The following TESK2 variants were observed in gnomAD, a reference collection of about 807,000 sequenced individuals.
The protein encoded by TESK2 is testis associated actin remodelling kinase 2.
TESK2 carries 39 observed loss-of-function variants against 57.1 expected under a neutral mutation model. The ratio of observed to expected loss-of-function variants is 0.68; its 90% CI spans 0.53 to 0.89. The LOEUF is 0.89. Among genes scored for constraint, TESK2 ranks in the 40% least tolerant of loss-of-function variants. The pLI is 0.00. For missense variants in TESK2, 646 were observed against 732.1 expected, an observed-to-expected ratio of 0.88 and a Z score of 1.36; for synonymous variants, 249 against 267.9, an observed-to-expected ratio of 0.93 and a Z score of 0.69.
rs370948508 is a variant in TESK2 at position 45,346,960 on chromosome 1, C to G, written c.792+19G>C. 16 of 1,613,072 alleles carry G rather than the reference C, an allele frequency of 9.9e-6. No homozygotes were observed. The highest frequency in any genetic ancestry group is 1.4e-5 in the Non-Finnish European group (16 of 1,179,180). ...AACTAGCCCCATCAGTGGCAATGAT[C>G]CCCATGCTTGCAGCTCACCTCTGTG... On this transcript the variant is annotated intron_variant, in intron 8 of 10. Transcript: ENST00000372086.
Position 45,472,384 on chromosome 1 carries a change from C to G in TESK2, c.-86-14513G>C, listed in dbSNP as rs1425780840. 3.3e-5 allele frequency among the ~76,000 whole-genome samples: 5 copies of G among 151,556 alleles called. No homozygotes were observed. The South Asian group carries it at 1.0e-3, about 32-fold the overall frequency. On this transcript the variant is annotated intron_variant, in intron 1 of 10. Transcript: ENST00000372086. ...ACCAGCCTGGCCAACATGGGGAAAC[C>G]CCACCTCTACTAAAAATACAAAAAT... is the stretch of plus-strand genomic sequence containing the variant.
intron 4 of TESK2, among the ~76,000 whole-genome samples, chr1:45,378,571 G>A (rs1648527969): frequency 6.6e-6 from 1 of 152,198 alleles, no homozygotes; most frequent in Non-Finnish European, 1.5e-5. Flanking sequence ...AGCCATCTTG[G>A]AAATGGATTT....
intron 1 of TESK2, among the ~76,000 whole-genome samples, chr1:45,488,115 T>C (rs939800863): frequency 1.2e-4 from 18 of 152,094 alleles, no homozygotes; most frequent in Non-Finnish European, 2.6e-4. Flanking sequence ...GGTCTCACAA[T>C]GTTGCCCATG....
chr1:45,384,744 C>G (rs2149274437), intron 4 of TESK2, among the ~76,000 whole-genome samples: 1 of 151,612 alleles, frequency 6.6e-6, no homozygotes, highest in Middle Eastern at 3.4e-3. Context: ...TCTTCTCTAT[C>G]TAAACTCCCT....
At chr1:45,384,611 T>TTTATTTTTTTTTTTTTTTTG (rs79783320) in intron 4 of TESK2, among the ~76,000 whole-genome samples, 1 of 129,440 alleles carries the variant, frequency 7.7e-6, no homozygotes, top group African/African-American at 3.0e-5. Flanking sequence ...TTTTTTTTTT[T>TTTATTTTTTTTTTTTTTTTG]TTTTTTTTTT....
chr1:45,353,375 C>T (rs1230210129), intron 5 of TESK2, among the ~76,000 whole-genome samples: 1 of 152,204 alleles, frequency 6.6e-6, no homozygotes, highest in Non-Finnish European at 1.5e-5. Flanking sequence ...TTCTACTTGC[C>T]AGTCTTGTGC....
intron 3 of TESK2, chr1:45,415,115 G>C (rs923121116): frequency 1.2e-4 from 179 of 1,465,692 alleles, no homozygotes; most frequent in Non-Finnish European, 1.7e-4. Context: ...AGTTTCCAAA[G>C]ACAACAGAAA....
intron 1 of TESK2, among the ~76,000 whole-genome samples, chr1:45,474,446 G>C (rs1259060492): frequency 6.6e-6 from 1 of 152,050 alleles, no homozygotes; most frequent in African/African-American, 2.4e-5. Flanking sequence ...GGGCAACATA[G>C]CAAGACCCCA....
chr1:45,381,586 A>T (rs989800363), intron 4 of TESK2, among the ~76,000 whole-genome samples: 4 of 152,220 alleles, frequency 2.6e-5, no homozygotes, highest in Admixed American at 1.3e-4. Context: ...GCAGACCACC[A>T]GCTGACCTGC....
chr1:45,344,930 C>G lies in TESK2; in HGVS notation c.1626G>C (p.Met542Ile). Residue 542 changes from methionine (M) to isoleucine (I), a missense_variant, in exon 11 of 11, where the codon ATG (methionine) becomes ATC (isoleucine). Physicochemically the swap from Met to Ile is conservative, Grantham distance 10. Transcript: ENST00000372086. ...AGCCTGCTGGCCTTTCTTCTACCTC[C>G]ATCTCCTCAGAAGCACCCGCAGGGC... ...SPCPAGASEE[M>I]EVEERPAGST... is the part of the protein sequence containing the mutation. The G allele has an allele frequency of 6.2e-7, 1 of 1,614,232 alleles. No homozygotes were observed. The highest frequency in any genetic ancestry group is 8.5e-7 in the Non-Finnish European group (1 of 1,180,034).
rs577792307 is a variant in TESK2 at position 45,359,737 on chromosome 1, G to A, written c.394-4288C>T. 5.9e-5 allele frequency among the ~76,000 whole-genome samples: 9 copies of A among 152,028 alleles called. No homozygotes were observed. In the Middle Eastern group the frequency reaches 0.01, roughly 172 times the overall value. ...AAATAAGCAGGGCATGGTGGCAGAC[G>A]ACTGTGATCCCAGCTACTTGGGAGG... is the stretch of plus-strand genomic sequence containing the variant. On this transcript the variant is annotated intron_variant, in intron 4 of 10. Transcript: ENST00000372086.
At chr1:45,475,063 CAAAAAAA>C (rs58542898) in intron 1 of TESK2, among the ~76,000 whole-genome samples, 8 of 87,434 alleles carry the variant, frequency 9.1e-5, no homozygotes, top group African/African-American at 1.9e-4. Flanking sequence ...GACTCTATCT[CAAAAAAA>C]AAAAAAAAAA....
chr1:45,485,044 T>A (rs982738204), intron 1 of TESK2, among the ~76,000 whole-genome samples: 14 of 151,684 alleles, frequency 9.2e-5, no homozygotes, highest in Middle Eastern at 3.4e-3. Context: ...ATAAATAAAT[T>A]AATTAATTAA....
chr1:45,422,972 G>A (rs928860290), intron 2 of TESK2, among the ~76,000 whole-genome samples: 1 of 151,910 alleles, frequency 6.6e-6, no homozygotes, highest in African/African-American at 2.4e-5. Flanking sequence ...GTTTCACCAT[G>A]TTGGCCAGGC....
At chr1:45,354,358 G>GCTC (rs1647317428) in intron 5 of TESK2, among the ~76,000 whole-genome samples, 2 of 152,146 alleles carry the variant, frequency 1.3e-5, no homozygotes. Context: ...GGGTATGGTG[G>GCTC]CTCATGCCTG....
chr1:45,440,870 G>A (rs1476193758), intron 2 of TESK2, among the ~76,000 whole-genome samples: 1 of 152,154 alleles, frequency 6.6e-6, no homozygotes, highest in Non-Finnish European at 1.5e-5. Context: ...CAATGGCAAG[G>A]AACTGAAGGC....
At chr1:45,474,685 C>A (rs1036136368) in intron 1 of TESK2, among the ~76,000 whole-genome samples, 1 of 150,652 alleles carries the variant, frequency 6.6e-6, no homozygotes. Context: ...GTTGGTCAGG[C>A]TAGTCTCGAA....
At chr1:45,357,239 A>AAATAAATAAATAAATG (rs1491542740) in intron 4 of TESK2, among the ~76,000 whole-genome samples, 1 of 126,688 alleles carries the variant, frequency 7.9e-6, no homozygotes, top group African/African-American at 2.8e-5. Context: ...ATAAATAAAT[A>AAATAAATAAATAAATG]AATGTATGTA....
chr1:45,393,799 A>G (rs1649245628), intron 3 of TESK2, among the ~76,000 whole-genome samples: 1 of 152,160 alleles, frequency 6.6e-6, no homozygotes, highest in Non-Finnish European at 1.5e-5. Context: ...TAAAAAAACA[A>G]TATACTATAA....
Sources: gnomAD v4.1 joint callset for allele counts (sites outside exome capture counted in the v4.1 genomes callset) on GRCh38, gnomAD v4.1.1 for gene constraint, MANE v1.5 for transcripts, NCBI Gene and HGNC (gene_info 2026-07-23, HGNC 2026-07-21) for gene names.